The following COL6A6 variants were observed in gnomAD, a reference collection of about 807,000 sequenced individuals.
The protein encoded by COL6A6 is collagen type VI alpha 6 chain, also known as collagen alpha-6(VI) chain.
In COL6A6, 183 loss-of-function variants were observed where a neutral mutation model predicts 208.6. The observed-to-expected ratio is 0.88, with a 90% CI of 0.78 to 0.99. The LOEUF is 0.99. Ranked by LOEUF, COL6A6 falls within the 50% of genes least tolerant of loss-of-function variation. The pLI, the probability that COL6A6 is intolerant of heterozygous loss-of-function variation, is 0.00. For synonymous variants in COL6A6, 973 were observed against 1,011.8 expected, an observed-to-expected ratio of 0.96 and a Z score of 0.73; for missense variants, 2,816 against 2,815.2, an observed-to-expected ratio of 1.00 and a Z score of -0.01.
intron 7 of COL6A6, among the ~76,000 whole-genome samples, chr3:130,572,904 C>T (rs564369249): frequency 6.6e-6 from 1 of 152,224 alleles, no homozygotes; most frequent in South Asian, 2.1e-4. Context: ...TGGAAACGAT[C>T]ATGCTTACCA....
intron 1 of COL6A6, among the ~76,000 whole-genome samples, chr3:130,518,669 G>T (rs372028366): frequency 6.6e-6 from 1 of 152,280 alleles, no homozygotes; most frequent in South Asian, 2.1e-4. Flanking sequence ...ACCATGCCCG[G>T]CTAATTTTGT....
intron 36 of COL6A6, 43 bp downstream of exon 36, chr3:130,665,139 T>C: frequency 2.2e-6 from 3 of 1,340,622 alleles, no homozygotes; most frequent in Non-Finnish European, 3.1e-6. Context: ...GAATGCCCCC[T>C]GCCTTTCTTC....
At position 130,641,715 on chromosome 3, in the gene COL6A6, G is replaced by GT. The variant is rs778537064; in HGVS notation, c.5154+2dup. On this transcript the variant is annotated splice_donor_variant, in intron 29 of 36. Coordinates refer to ENST00000358511, the MANE Select transcript of COL6A6 (RefSeq NM_001102608.3). LOFTEE classifies it high-confidence loss of function. ...GGAACCAGGACCTCCTGGACGTAAG[G>GT]TAAGTAGAAAAACTATAAACCACAG... 9 of 1,578,410 alleles carry GT rather than the reference G, an allele frequency of 5.7e-6. 1 individual carries two copies. The highest frequency in any genetic ancestry group is 3.3e-4 in the Middle Eastern group (2 of 5,992).
At chr3:130,621,397 A>G (rs115537588) in intron 23 of COL6A6, among the ~76,000 whole-genome samples, 2 of 152,322 alleles carry the variant, frequency 1.3e-5, no homozygotes, top group South Asian at 4.1e-4. Flanking sequence ...TATACATATC[A>G]TATGATTTTC....
intron 36 of COL6A6, 41 bp downstream of exon 36, chr3:130,665,137 C>G (rs757428666): frequency 2.3e-5 from 31 of 1,347,826 alleles, no homozygotes; most frequent in Non-Finnish European, 3.1e-5. Context: ...GAGAATGCCC[C>G]CTGCCTTTCT....
At position 130,568,258 on chromosome 3, in the gene COL6A6, T is replaced by C; in HGVS notation, c.2055T>C (p.Ile685=). 1 of 1,614,008 alleles carries C rather than the reference T, an allele frequency of 6.2e-7. No homozygotes were observed. Among genetic ancestry groups the C allele is most frequent in the Non-Finnish European group, 8.5e-7 (1 of 1,179,896 alleles). The change falls in exon 6 of 37, where the codon ATT becomes ATC. Residue 685 remains isoleucine, a synonymous_variant. Coordinates refer to ENST00000358511, the MANE Select transcript of COL6A6 (RefSeq NM_001102608.3). ...ACAGATTCATGTCCCAAAGCGACAT[T>C]TCAAATGCAATAGACCAAATGGCTC... The part of the protein sequence containing the change: ...QLNRFMSQSD[I]SNAIDQMAHI...
intron 26 of COL6A6, among the ~76,000 whole-genome samples, chr3:130,627,763 T>G (rs920680008): frequency 2.0e-4 from 31 of 152,266 alleles, no homozygotes; most frequent in African/African-American, 6.7e-4. Context: ...GTTTTCTAAA[T>G]GTACTGGCCC....
At position 130,592,519 on chromosome 3, in the gene COL6A6, T is replaced by C. The variant is rs767831584; in HGVS notation, c.4273-22T>C. On this transcript the variant is annotated intron_variant, in intron 13 of 36. Transcript: ENST00000358511. The stretch of plus-strand genomic sequence containing the variant: ...TCAGATTACAATAGAAAAAGCTCAT[T>C]TGGATATGTGCCCTTTCTCAGGGAG... 8 of 1,557,332 alleles carry C rather than the reference T, an allele frequency of 5.1e-6. No homozygotes were observed. The Middle Eastern group carries it at 5.0e-4, about 97-fold the overall frequency.
intron 33 of COL6A6, among the ~76,000 whole-genome samples, chr3:130,657,330 C>G (rs2108441483): frequency 6.6e-6 from 1 of 152,336 alleles, no homozygotes; most frequent in South Asian, 2.1e-4. Flanking sequence ...TGGCAGTGGC[C>G]ACTCCAGATG....
rs925919962 is a variant in COL6A6, at chr3:130,626,374, G to A, written c.4879-111G>A. On this transcript the variant is annotated intron_variant, in intron 24 of 36. Transcript: ENST00000358511. Reference sequence around the variant, plus strand: ...GCAGTTCCTCTTGTATCACTTGCACGACACACAGTTCTGGGCACAAACCCA... The same window carrying A: ...GCAGTTCCTCTTGTATCACTTGCACAACACACAGTTCTGGGCACAAACCCA... 30 of 796,034 alleles carry A rather than the reference G, an allele frequency of 3.8e-5. No individual in the cohort carries two copies. In the East Asian group the frequency reaches 4.7e-4, roughly 12 times the overall value. 49.3% of individuals were successfully genotyped at this position (796,034 alleles called of 1,614,324 possible).
intron 19 of COL6A6, among the ~76,000 whole-genome samples, chr3:130,598,717 G>A (rs542980858): frequency 6.6e-5 from 10 of 152,000 alleles, no homozygotes; most frequent in Non-Finnish European, 1.2e-4. Flanking sequence ...TAAAATATAG[G>A]GCTAGCTGAT....
In COL6A6 at chr3:130,568,303, G is replaced by T; in HGVS notation, c.2100G>T (p.Leu700=). The T allele has an allele frequency of 1.2e-6, 2 of 1,613,994 alleles. No homozygotes were observed. Among genetic ancestry groups the T allele is most frequent in the Non-Finnish European group, 1.7e-6 (2 of 1,179,904 alleles). Residue 700 remains leucine, a synonymous_variant, in exon 6 of 37, where the codon CTG becomes CTT. Coordinates refer to ENST00000358511, the MANE Select transcript of COL6A6 (RefSeq NM_001102608.3). ...TGGCTCACATTGGACAAACCACCCT[G>T]ACTGGTAGTGCCCTGAGCTTTGTGT... ...DQMAHIGQTT[L]TGSALSFVSQ... is the part of the protein sequence containing the mutation.
chr3:130,583,991 C>T (rs1389274259), intron 10 of COL6A6, among the ~76,000 whole-genome samples: 7 of 152,048 alleles, frequency 4.6e-5, no homozygotes, highest in South Asian at 2.1e-4. Context: ...TCCTTGATGG[C>T]GGACGTGGCT....
At chr3:130,664,000 G>A (rs1292767233) in intron 35 of COL6A6, among the ~76,000 whole-genome samples, 1 of 152,144 alleles carries the variant, frequency 6.6e-6, no homozygotes, top group African/African-American at 2.4e-5. Flanking sequence ...TATATTTACT[G>A]GGGAACTTCT....
At chr3:130,520,773 C>T (rs1316695210) in intron 1 of COL6A6, among the ~76,000 whole-genome samples, 1 of 152,192 alleles carries the variant, frequency 6.6e-6, no homozygotes, top group Non-Finnish European at 1.5e-5. Flanking sequence ...CTTTGTGTCT[C>T]TACTTCTGAA....
chr3:130,526,148 A>G (rs182396831), intron 1 of COL6A6, among the ~76,000 whole-genome samples: 161 of 152,244 alleles, frequency 1.1e-3, no homozygotes, highest in Admixed American at 2.2e-3. Context: ...GGAGCTAATG[A>G]CTGACTATAA....
intron 23 of COL6A6, among the ~76,000 whole-genome samples, chr3:130,613,248 C>T (rs533950738): frequency 3.5e-4 from 53 of 152,328 alleles, no homozygotes; most frequent in Middle Eastern, 6.8e-3. Context: ...CCAGTTCTCC[C>T]AGTACCATTT....
chr3:130,566,690 AT>A lies in COL6A6; in HGVS notation c.1283-10del. The stretch of plus-strand genomic sequence containing the variant: ...CTCAAATGCCACATGCAACTTATTG[AT>A]TCCTTTTTAGGTTGTGTGGACACTG... On this transcript the variant is annotated splice_polypyrimidine_tract_variant and intron_variant, in intron 4 of 36. Coordinates refer to ENST00000358511, the MANE Select transcript of COL6A6 (RefSeq NM_001102608.3). 1.9e-6 allele frequency: 3 copies of A among 1,571,096 alleles called. No homozygotes were observed. The South Asian group carries it at 3.5e-5, about 18-fold the overall frequency.
At chr3:130,572,213 C>T (rs1054415636) in intron 7 of COL6A6, among the ~76,000 whole-genome samples, 70 of 152,216 alleles carry the variant, frequency 4.6e-4, no homozygotes, top group African/African-American at 1.7e-3. Flanking sequence ...AAACTCTGTT[C>T]CAGCCTCAGA....
Sources: allele counts gnomAD v4.1 joint callset (sites outside exome capture counted in the v4.1 genomes callset), GRCh38; gene constraint gnomAD v4.1.1; transcripts MANE v1.5; gene names NCBI Gene and HGNC (gene_info 2026-07-23, HGNC 2026-07-21).